PHLPP1: variants seen among roughly 807,000 people sequenced by gnomAD.
PHLPP1 encodes PH domain and leucine rich repeat protein phosphatase 1, also known as PH domain leucine-rich repeat-containing protein phosphatase 1.
In PHLPP1, 42 loss-of-function variants were observed where a neutral mutation model predicts 117.2. The observed-to-expected ratio is 0.36, with a 90% CI of 0.28 to 0.46. PHLPP1 has a LOEUF of 0.46. Ranked by LOEUF, PHLPP1 falls within the 20% of genes least tolerant of loss-of-function variation. PHLPP1 has a pLI of 1.00. For synonymous variants in PHLPP1, 1,042 were observed against 970.7 expected (o/e 1.07, Z -1.37); for missense variants, 2,084 against 2,241.9 (o/e 0.93, Z 1.42).
intron 3 of PHLPP1, among the ~76,000 whole-genome samples, chr18:62,848,910 C>A (rs1466694512): frequency 6.6e-6 from 1 of 152,162 alleles, no homozygotes; most frequent in Non-Finnish European, 1.5e-5. Flanking sequence ...ATTTGTACTT[C>A]CAGTGTTTTA....
At chr18:62,886,855 T>G (rs1916299508) in intron 4 of PHLPP1, among the ~76,000 whole-genome samples, 1 of 152,256 alleles carries the variant, frequency 6.6e-6, no homozygotes, top group South Asian at 2.1e-4. Context: ...GCATAAATGT[T>G]AACTTCCTTT....
At chr18:62,782,599 A>G (rs534330989) in intron 1 of PHLPP1, among the ~76,000 whole-genome samples, 25 of 152,354 alleles carry the variant, frequency 1.6e-4, no homozygotes, top group African/African-American at 3.4e-4. Context: ...TATATTAACT[A>G]TAAGTGTTAT....
At chr18:62,887,225 C>T (rs938896003) in intron 4 of PHLPP1, among the ~76,000 whole-genome samples, 2 of 152,008 alleles carry the variant, frequency 1.3e-5, no homozygotes, top group Non-Finnish European at 2.9e-5. Context: ...GTAATGACGT[C>T]GAAAGGCAGT....
chr18:62,842,082 T>C (rs1431145408), intron 3 of PHLPP1, among the ~76,000 whole-genome samples: 1 of 152,210 alleles, frequency 6.6e-6, no homozygotes, highest in East Asian at 1.9e-4. Flanking sequence ...ATATAATAGA[T>C]TTATACTGGC....
intron 1 of PHLPP1, among the ~76,000 whole-genome samples, chr18:62,787,796 G>A (rs998572358): frequency 2.6e-5 from 4 of 152,136 alleles, no homozygotes; most frequent in African/African-American, 9.7e-5. Context: ...CAGCGGGGGT[G>A]GGGGATAGGA....
intron 10 of PHLPP1, 108 bp downstream of exon 10, chr18:62,920,222 C>T: frequency 9.3e-7 from 1 of 1,072,890 alleles, no homozygotes; most frequent in Non-Finnish European, 1.3e-6. Context: ...ATGTATCTGT[C>T]CCAGATTTGT....
intron 1 of PHLPP1, among the ~76,000 whole-genome samples, chr18:62,786,589 T>C (rs1303133497): frequency 6.6e-6 from 1 of 152,240 alleles, no homozygotes; most frequent in Non-Finnish European, 1.5e-5. Flanking sequence ...CTGATTTTCT[T>C]GATCAATATT....
chr18:62,976,628 C>G (rs1324845400), intron 16 of PHLPP1, among the ~76,000 whole-genome samples: 2 of 152,216 alleles, frequency 1.3e-5, no homozygotes, highest in African/African-American at 4.8e-5. Flanking sequence ...CCTCTCTGCT[C>G]CAAGAATAGA....
rs572455901 is a variant in PHLPP1 at position 62,961,361 on chromosome 18, A to T, written c.3456-2007A>T. 1.4e-4 allele frequency among the ~76,000 whole-genome samples: 21 copies of T among 152,276 alleles called. No homozygotes were observed. In the East Asian group the frequency reaches 3.9e-3, roughly 28 times the overall value. On this transcript the variant is annotated intron_variant, in intron 13 of 16. Transcript: ENST00000262719. Reference sequence around the variant, plus strand: ...TCACTTCAGATAGCTGCTCAGCCACACTGTGTTCAGCTAGGTAGAGAAGAG... The same window carrying T: ...TCACTTCAGATAGCTGCTCAGCCACTCTGTGTTCAGCTAGGTAGAGAAGAG...
At position 62,762,925 on chromosome 18, in the gene PHLPP1, G is replaced by C. The variant is rs184631543; in HGVS notation, c.1576+45666G>C. Among the ~76,000 whole-genome samples, 164 of 152,186 alleles carry C rather than the reference G, an allele frequency of 1.1e-3. 1 individual carries two copies. Among genetic ancestry groups the C allele is most frequent in the African/African-American group, 3.8e-3 (156 of 41,530 alleles). The stretch of plus-strand genomic sequence containing the variant: ...ATTTTACCATAATGGTTGCAATAGA[G>C]GTGTTTATGGAAAAGAGTTCTTAGT... On this transcript the variant is annotated intron_variant, in intron 1 of 16. Transcript: ENST00000262719.
At chr18:62,836,599 A>C (rs1407880854) in intron 2 of PHLPP1, among the ~76,000 whole-genome samples, 3 of 151,862 alleles carry the variant, frequency 2.0e-5, no homozygotes, top group Non-Finnish European at 2.9e-5. Flanking sequence ...TGGTTATACT[A>C]TCCTCATAGA....
intron 10 of PHLPP1, 92 bp downstream of exon 10, chr18:62,920,206 C>A: frequency 8.4e-7 from 1 of 1,189,172 alleles, no homozygotes; most frequent in South Asian, 1.3e-5. Flanking sequence ...TATAAACTTT[C>A]TGAGTATGTA....
chr18:62,921,209 G>A (rs1909458086), intron 10 of PHLPP1, among the ~76,000 whole-genome samples: 1 of 152,112 alleles, frequency 6.6e-6, no homozygotes, highest in Non-Finnish European at 1.5e-5. Flanking sequence ...TTTATTTTTA[G>A]GGAGTGACCA....
intron 1 of PHLPP1, among the ~76,000 whole-genome samples, chr18:62,747,716 C>G (rs2122082042): frequency 6.6e-6 from 1 of 152,060 alleles, no homozygotes; most frequent in African/African-American, 2.4e-5. Context: ...GACGGGGTCT[C>G]ACTCTGTTGC....
chr18:62,952,806 C>T (rs902809617), intron 12 of PHLPP1, among the ~76,000 whole-genome samples: 12 of 152,190 alleles, frequency 7.9e-5, no homozygotes, highest in East Asian at 5.8e-4. Flanking sequence ...AAAATTTATG[C>T]GGAGATGGTC....
At chr18:62,735,496 G>C (rs1274916851) in intron 1 of PHLPP1, among the ~76,000 whole-genome samples, 3 of 152,014 alleles carry the variant, frequency 2.0e-5, no homozygotes, top group Non-Finnish European at 2.9e-5. Flanking sequence ...GTAGCCATTA[G>C]AATTGGAAGG....
At chr18:62,958,153 C>T (rs1910672009) in intron 12 of PHLPP1, among the ~76,000 whole-genome samples, 1 of 152,200 alleles carries the variant, frequency 6.6e-6, no homozygotes, top group Non-Finnish European at 1.5e-5. Context: ...AACCCCTGAC[C>T]TCAAGTGATC....
chr18:62,858,353 C>G (rs897933417), intron 3 of PHLPP1, among the ~76,000 whole-genome samples: 1 of 151,510 alleles, frequency 6.6e-6, no homozygotes, highest in Non-Finnish European at 1.5e-5. Flanking sequence ...ACCTCTGCCT[C>G]GTGGGTTCAA....
chr18:62,891,107 A>G (rs2144394166), intron 4 of PHLPP1, among the ~76,000 whole-genome samples: 1 of 152,312 alleles, frequency 6.6e-6, no homozygotes, highest in South Asian at 2.1e-4. Flanking sequence ...GTGCCCCATG[A>G]TGCAATGTTT....
Sources: allele counts gnomAD v4.1 joint callset (sites outside exome capture counted in the v4.1 genomes callset), GRCh38; gene constraint gnomAD v4.1.1; transcripts MANE v1.5; gene names NCBI Gene and HGNC (gene_info 2026-07-23, HGNC 2026-07-21).